Variants in EHBP1 observed in about 807,000 individuals in gnomAD.
EHBP1 encodes the protein EH domain binding protein 1, also known as EH domain-binding protein 1.
EHBP1 carries 55 observed loss-of-function variants against 144.0 expected under a neutral mutation model. That is an observed-to-expected ratio of 0.38 (90% CI 0.31 to 0.48). The LOEUF (loss-of-function observed/expected upper bound fraction) is 0.48, where lower values mean the gene tolerates loss of function less well. EHBP1 is among the 20% of genes least tolerant of loss of function. EHBP1 has a pLI of 0.98. For synonymous variants in EHBP1, 469 were observed against 472.7 expected (o/e 0.99, Z 0.10); for missense variants, 1,200 against 1,364.2 (o/e 0.88, Z 1.90).
At chr2:62,892,502 A>G (rs1355290090) in intron 10 of EHBP1, among the ~76,000 whole-genome samples, 1 of 152,072 alleles carries the variant, frequency 6.6e-6, no homozygotes, top group African/African-American at 2.4e-5. Context: ...ATTTGGCTTG[A>G]CTTTAATGAA....
chr2:62,959,582 G>T (rs1225245660), intron 14 of EHBP1, among the ~76,000 whole-genome samples: 1 of 152,080 alleles, frequency 6.6e-6, no homozygotes, highest in African/African-American at 2.4e-5. Context: ...CAAGCATGGA[G>T]TGACATCTCA....
At chr2:62,900,680 A>ATG (rs200875591) in intron 10 of EHBP1, among the ~76,000 whole-genome samples, 10 of 148,238 alleles carry the variant, frequency 6.7e-5, no homozygotes, top group Non-Finnish European at 1.3e-4. Context: ...GTGTGTGTGT[A>ATG]TGTGTATATA....
intron 10 of EHBP1, among the ~76,000 whole-genome samples, chr2:62,902,805 A>G (rs1444009864): frequency 6.6e-6 from 1 of 152,230 alleles, no homozygotes; most frequent in African/African-American, 2.4e-5. Context: ...ATTGCATATA[A>G]ATCACTTTAC....
intron 2 of EHBP1, among the ~76,000 whole-genome samples, chr2:62,735,479 C>A (rs903568625): frequency 6.6e-6 from 1 of 152,042 alleles, no homozygotes; most frequent in African/African-American, 2.4e-5. Flanking sequence ...TGTATATATA[C>A]ACACTATGTA....
chr2:62,835,694 C>CA (rs1443925438), intron 7 of EHBP1, among the ~76,000 whole-genome samples: 1 of 152,204 alleles, frequency 6.6e-6, no homozygotes, highest in Admixed American at 6.5e-5. Context: ...CGCAAGGGGT[C>CA]AGGGAGTTCC....
At chr2:62,861,038 GA>G (rs1477246020) in intron 8 of EHBP1, among the ~76,000 whole-genome samples, 2 of 149,092 alleles carry the variant, frequency 1.3e-5, no homozygotes, top group South Asian at 4.3e-4. Flanking sequence ...ATTTGGGGAA[GA>G]AAAAAATGTG....
At position 62,866,022 on chromosome 2, in the gene EHBP1, G is replaced by A. The variant is rs761887041; in HGVS notation, c.998+1051G>A. Among the ~76,000 whole-genome samples, 5 of 152,252 alleles carry A rather than the reference G, an allele frequency of 3.3e-5. No individual in the cohort carries two copies. The South Asian group carries it at 6.2e-4, about 19-fold the overall frequency. On this transcript the variant is annotated intron_variant, in intron 9 of 22. Transcript: ENST00000431489. Reference sequence around the variant, plus strand: ...CAGAGCTTGCGTGTGAGGAAATCACGAAGGACAAAGAAACAAACAGAATGA... The same window carrying A: ...CAGAGCTTGCGTGTGAGGAAATCACAAAGGACAAAGAAACAAACAGAATGA...
intron 7 of EHBP1, among the ~76,000 whole-genome samples, chr2:62,835,728 G>A (rs1368797765): frequency 2.6e-5 from 4 of 152,220 alleles, no homozygotes; most frequent in Non-Finnish European, 5.9e-5. Context: ...AGAAAGGGGT[G>A]ACGGATGCAC....
intron 10 of EHBP1, among the ~76,000 whole-genome samples, chr2:62,890,729 C>T (rs2052388505): frequency 6.6e-6 from 1 of 152,070 alleles, no homozygotes; most frequent in African/African-American, 2.4e-5. Flanking sequence ...ATTTGAAGTC[C>T]TAGTCAGGGC....
chr2:62,677,911 C>G (rs891429071), intron 1 of EHBP1, among the ~76,000 whole-genome samples: 7 of 152,214 alleles, frequency 4.6e-5, no homozygotes, highest in Non-Finnish European at 1.5e-5. Flanking sequence ...GCTTCCAAAT[C>G]TTGGCTATTG....
intron 5 of EHBP1, among the ~76,000 whole-genome samples, chr2:62,787,409 C>A (rs1330787790): frequency 2.3e-5 from 3 of 131,298 alleles, no homozygotes; most frequent in Non-Finnish European, 4.9e-5. Context: ...CCCCCCCCAC[C>A]CCCTTGCTCC....
chr2:62,726,091 G>A (rs891531343), intron 2 of EHBP1, among the ~76,000 whole-genome samples: 2 of 152,118 alleles, frequency 1.3e-5, no homozygotes, highest in African/African-American at 4.8e-5. Flanking sequence ...GTACCTCTAG[G>A]GCTAAAATCT....
chr2:62,834,947 TC>T (rs1477007341), intron 7 of EHBP1, among the ~76,000 whole-genome samples: 3 of 152,214 alleles, frequency 2.0e-5, no homozygotes, highest in Non-Finnish European at 4.4e-5. Context: ...TGTATATGTA[TC>T]TTTTTTTATA....
At chr2:62,710,395 G>A (rs889643925) in intron 2 of EHBP1, among the ~76,000 whole-genome samples, 1 of 151,624 alleles carries the variant, frequency 6.6e-6, no homozygotes, top group African/African-American at 2.4e-5. Context: ...CTAATTCTTA[G>A]TTGTGGTGGG....
chr2:62,891,849 A>G (rs921878224), intron 10 of EHBP1, among the ~76,000 whole-genome samples: 2 of 152,144 alleles, frequency 1.3e-5, no homozygotes, highest in African/African-American at 4.8e-5. Context: ...AGTGCTGCAG[A>G]AAGAAGACTT....
At chr2:62,903,292 T>A (rs2053553509) in intron 10 of EHBP1, among the ~76,000 whole-genome samples, 1 of 152,192 alleles carries the variant, frequency 6.6e-6, no homozygotes. Flanking sequence ...GTGTAGCATT[T>A]TTACAATAAA....
At chr2:62,950,882 T>C (rs573741475) in intron 13 of EHBP1, among the ~76,000 whole-genome samples, 31 of 152,104 alleles carry the variant, frequency 2.0e-4, no homozygotes, top group Non-Finnish European at 3.7e-4. Context: ...ACGGTGTTTC[T>C]CCATGTTGGT....
Position 62,997,427 on chromosome 2 carries a change from C to CGTGTGTGT in EHBP1, c.3103+661_3103+662insGTGTGTGT, listed in dbSNP as rs748541351. Among the ~76,000 whole-genome samples, 17 of 139,870 alleles carry CGTGTGTGT rather than the reference C, an allele frequency of 1.2e-4. 1 individual carries two copies. The highest frequency in any genetic ancestry group is 2.4e-4 in the South Asian group (1 of 4,140). 91.8% of individuals were successfully genotyped at this position (139,870 alleles called of 152,430 possible). On this transcript the variant is annotated intron_variant, in intron 19 of 22. Transcript: ENST00000431489. ...CACAATAAGCAATTGGAAAGGAACT[C>CGTGTGTGT]ATGTGTGTGTGTGTGTGTGTGTGTG...
intron 7 of EHBP1, among the ~76,000 whole-genome samples, chr2:62,842,731 G>T (rs1024358444): frequency 6.6e-6 from 1 of 152,088 alleles, no homozygotes; most frequent in Non-Finnish European, 1.5e-5. Flanking sequence ...AGAATATGGT[G>T]TATTATTTAT....
Sources: allele counts gnomAD v4.1 joint callset (sites outside exome capture counted in the v4.1 genomes callset), GRCh38; gene constraint gnomAD v4.1.1; transcripts MANE v1.5; gene names NCBI Gene and HGNC (gene_info 2026-07-23, HGNC 2026-07-21).